Variants in COL27A1 observed in about 807,000 individuals in gnomAD.
COL27A1 encodes collagen type XXVII alpha 1 chain, also known as collagen alpha-1(XXVII) chain.
Under a neutral mutation model 251.3 loss-of-function variants are expected in COL27A1, and 106 were observed. The observed-to-expected ratio is 0.42, with a 90% CI of 0.36 to 0.50. The LOEUF is 0.50. Among genes scored for constraint, COL27A1 ranks in the 20% least tolerant of loss-of-function variants. The pLI, the probability that COL27A1 is intolerant of heterozygous loss-of-function variation, is 0.00. For synonymous variants in COL27A1, 1,000 were observed against 986.3 expected (o/e 1.01, Z -0.26); for missense variants, 2,325 against 2,522.8 (o/e 0.92, Z 1.68).
At chr9:114,209,288 G>T in intron 10 of COL27A1, 1 of 420,024 alleles carries the variant, frequency 2.4e-6, no homozygotes, top group South Asian at 1.9e-5. Flanking sequence ...AGGAGCCATG[G>T]CAGGAGCCAC....
At chr9:114,283,845 C>G (rs1465790281) in intron 40 of COL27A1, 83 bp downstream of exon 40, 19 of 1,390,040 alleles carry the variant, frequency 1.4e-5, no homozygotes, top group East Asian at 4.6e-5. Flanking sequence ...TCTGCCCCAC[C>G]ACCTCCCAGC....
intron 17 of COL27A1, among the ~76,000 whole-genome samples, chr9:114,235,873 TTC>T (rs1208397195): frequency 3.3e-5 from 5 of 152,022 alleles, no homozygotes; most frequent in Non-Finnish European, 5.9e-5. Flanking sequence ...GCCTCTTGCT[TTC>T]TCTCTTTCTT....
intron 10 of COL27A1, 100 bp from the exon 11 acceptor site, chr9:114,209,575 A>G: frequency 9.3e-7 from 1 of 1,072,896 alleles, no homozygotes; most frequent in Admixed American, 1.7e-5. Context: ...GAAGAGGAGG[A>G]GCCGGGATGT....
At chr9:114,253,369 A>G (rs1238217285) in intron 27 of COL27A1, among the ~76,000 whole-genome samples, 1 of 118,832 alleles carries the variant, frequency 8.4e-6, no homozygotes, top group African/African-American at 3.8e-5. Context: ...GAAGAAAGAA[A>G]GACGAAAGAA....
intron 5 of COL27A1, among the ~76,000 whole-genome samples, chr9:114,192,335 C>T (rs1355978711): frequency 6.6e-6 from 1 of 152,178 alleles, no homozygotes; most frequent in Non-Finnish European, 1.5e-5. Context: ...TTGGAATCCT[C>T]GGTAGCCCTA....
chr9:114,231,867 G>T lies in COL27A1; in HGVS notation c.2565+1G>T. On this transcript the variant is annotated splice_donor_variant, in intron 16 of 60. Coordinates refer to ENST00000356083, the MANE Select transcript of COL27A1 (RefSeq NM_032888.4). LOFTEE classifies it high-confidence loss of function. ...GGAGCCCGGACTGAAAGGTGATAAG[G>T]TGATCTGAATACTCCCTTATTGCAC... 1 of 1,614,096 alleles carries T rather than the reference G, an allele frequency of 6.2e-7. No homozygotes were observed. Among genetic ancestry groups the T allele is most frequent in the Non-Finnish European group, 8.5e-7 (1 of 1,179,944 alleles).
At position 114,168,225 on chromosome 9, in the gene COL27A1, G is replaced by C; in HGVS notation, c.670G>C (p.Val224Leu). Residue 224 changes from valine (V) to leucine (L), a missense_variant, in exon 3 of 61, where the codon GTC becomes CTC. By Grantham distance (32) the Val-to-Leu change is conservative. This residue lies in a region of COL27A1 where 1,183 missense variants were observed against 1,144.1 expected (regional missense o/e 1.03). Coordinates refer to ENST00000356083, the MANE Select transcript of COL27A1 (RefSeq NM_032888.4). Reference sequence around the variant, plus strand: ...GTTCAGTATCTACCCTGTGACGCAGGTCGCTCACAATTACTGTACCCACCT... The same window carrying C: ...GTTCAGTATCTACCCTGTGACGCAGCTCGCTCACAATTACTGTACCCACCT... The part of the protein sequence containing the change: ...CQFSIYPVTQ[V>L]AHNYCTHLRK... The C allele has an allele frequency of 6.2e-7, 1 of 1,614,012 alleles. No homozygotes were observed. Among genetic ancestry groups the C allele is most frequent in the Non-Finnish European group, 8.5e-7 (1 of 1,180,028 alleles).
At chr9:114,262,567 G>A (rs1463754017) in intron 28 of COL27A1, among the ~76,000 whole-genome samples, 1 of 152,256 alleles carries the variant, frequency 6.6e-6, no homozygotes, top group African/African-American at 2.4e-5. Flanking sequence ...CTTTCTGCGT[G>A]CCAGGCACTG....
intron 49 of COL27A1, among the ~76,000 whole-genome samples, chr9:114,297,266 G>T (rs1441074462): frequency 6.6e-6 from 1 of 152,162 alleles, no homozygotes; most frequent in East Asian, 1.9e-4. Flanking sequence ...CCTGATGGGT[G>T]TATAGGAGAC....
chr9:114,188,275 A>G (rs1373111896), intron 5 of COL27A1, among the ~76,000 whole-genome samples: 1 of 152,218 alleles, frequency 6.6e-6, no homozygotes, highest in Non-Finnish European at 1.5e-5. Context: ...TCATCAGGTC[A>G]TTGCCATGGA....
At position 114,169,077 on chromosome 9, in the gene COL27A1, G is replaced by T. The variant is rs753780695; in HGVS notation, c.1522G>T (p.Val508Leu). The T allele has an allele frequency of 1.2e-6, 2 of 1,613,986 alleles. No homozygotes were observed. Among genetic ancestry groups the T allele is most frequent in the South Asian group, 2.2e-5 (2 of 91,072 alleles). The change falls in exon 3 of 61, where the codon GTA becomes TTA. Residue 508 changes from valine to leucine, a missense_variant. This residue lies in a region of COL27A1 where 1,183 missense variants were observed against 1,144.1 expected (regional missense o/e 1.03). Coordinates refer to ENST00000356083, the MANE Select transcript of COL27A1 (RefSeq NM_032888.4). Reference sequence around the variant, plus strand: ...GAGTACTCGGCCACCAGCCACGATGGTACCTCCAACTTCGGGCACCAGCAC... The same window carrying T: ...GAGTACTCGGCCACCAGCCACGATGTTACCTCCAACTTCGGGCACCAGCAC... ...TRSTRPPATM[V>L]PPTSGTSTPR...
At chr9:114,286,999 A>G (rs540185546) in intron 41 of COL27A1, among the ~76,000 whole-genome samples, 1 of 152,240 alleles carries the variant, frequency 6.6e-6, no homozygotes, top group South Asian at 2.1e-4. Flanking sequence ...CCCTTCCCCA[A>G]AGCCGTCAAG....
chr9:114,223,622 C>T (rs1831264701), intron 14 of COL27A1, among the ~76,000 whole-genome samples: 1 of 152,184 alleles, frequency 6.6e-6, no homozygotes, highest in African/African-American at 2.4e-5. Context: ...ATTAGAACCA[C>T]AGAAACACAC....
chr9:114,252,541 G>A (rs1439541462), intron 25 of COL27A1, 52 bp from the exon 26 acceptor site: 3 of 1,554,598 alleles, frequency 1.9e-6, no homozygotes, highest in Non-Finnish European at 2.7e-6. Flanking sequence ...CTCCCACAGA[G>A]CCACCCCACA....
chr9:114,177,226 G>T lies in COL27A1; in HGVS notation c.1909-1065G>T, dbSNP rs200885928. On this transcript the variant is annotated intron_variant, in intron 3 of 60. Transcript: ENST00000356083. ...CTATTAAGTGGTAAAGCCAGGATTT[G>T]AACAAAGATCAGCTCATCCTTCAGT... Among the ~76,000 whole-genome samples the T allele has an allele frequency of 3.3e-5, 5 of 152,340 alleles. No homozygotes were observed. In the East Asian group the frequency reaches 5.8e-4, roughly 18 times the overall value.
intron 10 of COL27A1, among the ~76,000 whole-genome samples, chr9:114,208,173 C>T (rs1051178348): frequency 3.0e-4 from 44 of 144,628 alleles, no homozygotes; most frequent in African/African-American, 1.2e-3. Context: ...CGCGGTGGCT[C>T]GTGCCTGTAA....
intron 3 of COL27A1, among the ~76,000 whole-genome samples, chr9:114,173,620 G>C (rs1849477985): frequency 6.6e-6 from 1 of 151,880 alleles, no homozygotes; most frequent in African/African-American, 2.4e-5. Context: ...ACCTCTCTAA[G>C]CCTCAGTTTC....
chr9:114,186,895 G>C (rs1828383656), intron 5 of COL27A1, among the ~76,000 whole-genome samples: 1 of 152,206 alleles, frequency 6.6e-6, no homozygotes, highest in South Asian at 2.1e-4. Context: ...GTGCAAATGA[G>C]GAGCTCTAGG....
intron 33 of COL27A1, among the ~76,000 whole-genome samples, chr9:114,267,200 G>A (rs1429495075): frequency 6.6e-6 from 1 of 152,280 alleles, no homozygotes; most frequent in Non-Finnish European, 1.5e-5. Flanking sequence ...GTCTTTTTGT[G>A]AATCATGAAA....
Sources: allele counts gnomAD v4.1 joint callset (sites outside exome capture counted in the v4.1 genomes callset), GRCh38; gene constraint gnomAD v4.1.1; regional missense constraint gnomAD v4.1.1; transcripts MANE v1.5; gene names NCBI Gene and HGNC (gene_info 2026-07-23, HGNC 2026-07-21).